DPYD: variants seen among roughly 807,000 people sequenced by gnomAD.
The protein encoded by DPYD is dihydropyrimidine dehydrogenase [NADP(+)].
In DPYD, 109 loss-of-function variants were observed where a neutral mutation model predicts 116.2. The observed-to-expected ratio is 0.94, with a 90% CI of 0.80 to 1.10. The LOEUF (loss-of-function observed/expected upper bound fraction) is 1.10. Ranked by LOEUF, DPYD falls within the 50% of genes least tolerant of loss-of-function variation. The pLI is 0.00. For missense variants in DPYD, 1,302 were observed against 1,254.5 expected, an observed-to-expected ratio of 1.04 and a Z score of -0.57; for synonymous variants, 440 against 432.0, an observed-to-expected ratio of 1.02 and a Z score of -0.23.
chr1:97,768,964 A>C (rs1453701824), intron 3 of DPYD, among the ~76,000 whole-genome samples: 2 of 151,994 alleles, frequency 1.3e-5, no homozygotes, highest in Non-Finnish European at 2.9e-5. Context: ...TCCACAAAAT[A>C]AAGAAAAAAA....
At chr1:97,254,230 T>A (rs1376387222) in intron 18 of DPYD, among the ~76,000 whole-genome samples, 1 of 152,192 alleles carries the variant, frequency 6.6e-6, no homozygotes, top group Non-Finnish European at 1.5e-5. Flanking sequence ...AAGTTGATAT[T>A]TGTATGTACC....
chr1:97,379,588 G>T (rs1161047268), intron 15 of DPYD, among the ~76,000 whole-genome samples: 1 of 152,184 alleles, frequency 6.6e-6, no homozygotes, highest in Non-Finnish European at 1.5e-5. Context: ...CACTGAGCCT[G>T]TCAAAGTGAG....
chr1:97,920,763 G>A (rs1250811250), intron 1 of DPYD, 121 bp downstream of exon 1: 3 of 1,394,832 alleles, frequency 2.2e-6, no homozygotes, highest in East Asian at 2.5e-5. Flanking sequence ...TCCCACGGGG[G>A]AAACTTTCCC....
chr1:97,604,523 T>C (rs1301939870), intron 8 of DPYD, among the ~76,000 whole-genome samples: 6 of 152,078 alleles, frequency 3.9e-5, no homozygotes, highest in Non-Finnish European at 8.8e-5. Context: ...AAATTTATTT[T>C]ATTTTACTCT....
chr1:97,844,143 T>C (rs1009445209), intron 2 of DPYD, among the ~76,000 whole-genome samples: 2 of 152,120 alleles, frequency 1.3e-5, no homozygotes, highest in Non-Finnish European at 2.9e-5. Flanking sequence ...AGGTACATAA[T>C]GGTAGAAGGA....
intron 14 of DPYD, among the ~76,000 whole-genome samples, chr1:97,421,875 C>G (rs2101700438): frequency 6.6e-6 from 1 of 152,264 alleles, no homozygotes; most frequent in South Asian, 2.1e-4. Context: ...GGGGGATTTT[C>G]TGGCAGAGGT....
intron 11 of DPYD, among the ~76,000 whole-genome samples, chr1:97,562,549 C>T (rs1443456051): frequency 6.6e-6 from 1 of 152,120 alleles, no homozygotes; most frequent in Non-Finnish European, 1.5e-5. Flanking sequence ...TAGCATTAAT[C>T]CACATACTGT....
chr1:97,805,360 G>A (rs935441728), intron 3 of DPYD, among the ~76,000 whole-genome samples: 3 of 151,794 alleles, frequency 2.0e-5, no homozygotes, highest in African/African-American at 7.3e-5. Flanking sequence ...ACTTTCTTAC[G>A]TGTCCAGATT....
At chr1:97,306,033 TG>T in intron 17 of DPYD, 143 bp downstream of exon 17, 1 of 1,269,736 alleles carries the variant, frequency 7.9e-7, no homozygotes, top group Non-Finnish European at 1.1e-6. Context: ...CCTGTGTTTG[TG>T]GGATCAAGTG....
At chr1:97,220,996 C>G (rs2101892101) in intron 19 of DPYD, among the ~76,000 whole-genome samples, 1 of 152,254 alleles carries the variant, frequency 6.6e-6, no homozygotes, top group African/African-American at 2.4e-5. Flanking sequence ...CCAGGAGCCC[C>G]AGAGTAGCCA....
At chr1:97,916,385 T>C (rs1474727363) in intron 1 of DPYD, among the ~76,000 whole-genome samples, 2 of 152,102 alleles carry the variant, frequency 1.3e-5, no homozygotes, top group East Asian at 3.9e-4. Context: ...TGTGTTCATG[T>C]GTTCTTATTG....
intron 19 of DPYD, among the ~76,000 whole-genome samples, chr1:97,232,205 G>A (rs1661628093): frequency 6.6e-6 from 1 of 152,108 alleles, no homozygotes; most frequent in African/African-American, 2.4e-5. Context: ...TCTTGTTTTA[G>A]CATTTGAAAA....
chr1:97,709,633 G>C (rs890311634), intron 5 of DPYD, among the ~76,000 whole-genome samples: 1 of 151,716 alleles, frequency 6.6e-6, no homozygotes, highest in African/African-American at 2.4e-5. Context: ...AAAATGGAAA[G>C]ATTGCAATGC....
chr1:97,600,989 A>G (rs2102277117), intron 8 of DPYD, among the ~76,000 whole-genome samples: 1 of 152,258 alleles, frequency 6.6e-6, no homozygotes, highest in Middle Eastern at 3.4e-3. Flanking sequence ...GCATCAAAAC[A>G]AGGAAAGTAT....
chr1:97,396,219 C>A (rs1161197720), intron 14 of DPYD, among the ~76,000 whole-genome samples: 2 of 149,500 alleles, frequency 1.3e-5, no homozygotes, highest in Non-Finnish European at 3.0e-5. Flanking sequence ...GTTATTAGCC[C>A]CACTTTACAG....
At chr1:97,130,208 T>C (rs1340057217) in intron 20 of DPYD, among the ~76,000 whole-genome samples, 2 of 152,204 alleles carry the variant, frequency 1.3e-5, no homozygotes, top group African/African-American at 4.8e-5. Context: ...TCTTTAGAGA[T>C]CTGGTTAGCT....
chr1:97,378,832 T>C (rs1671777991), intron 15 of DPYD, among the ~76,000 whole-genome samples: 2 of 152,142 alleles, frequency 1.3e-5, no homozygotes, highest in African/African-American at 2.4e-5. Context: ...GAACTATTAG[T>C]AGTGGCCAAT....
chr1:97,487,919 C>G (rs1678741774), intron 13 of DPYD, among the ~76,000 whole-genome samples: 1 of 152,098 alleles, frequency 6.6e-6, no homozygotes, highest in Admixed American at 6.5e-5. Flanking sequence ...ATTGCACTCC[C>G]TTGTATTTAT....
intron 16 of DPYD, 130 bp from the exon 17 acceptor site, chr1:97,306,427 C>A (rs1203003981): frequency 8.2e-7 from 1 of 1,223,678 alleles, no homozygotes; most frequent in Non-Finnish European, 1.2e-6. Context: ...TGATATATTT[C>A]TCAAATTCCT....
Sources: allele counts gnomAD v4.1 joint callset (sites outside exome capture counted in the v4.1 genomes callset), GRCh38; gene constraint gnomAD v4.1.1; transcripts MANE v1.5; gene names NCBI Gene and HGNC (gene_info 2026-07-23, HGNC 2026-07-21).